The following EXOC6B variants were observed in gnomAD, a reference collection of about 807,000 sequenced individuals.
The protein encoded by EXOC6B is exocyst complex component 6B, also known as SEC15 homolog B.
EXOC6B carries 54 observed loss-of-function variants against 113.5 expected under a neutral mutation model. The observed-to-expected ratio is 0.48, with a 90% CI of 0.38 to 0.60. The LOEUF (loss-of-function observed/expected upper bound fraction) is 0.60, where lower values mean the gene tolerates loss of function less well. EXOC6B is among the 20% of genes least tolerant of loss of function. EXOC6B has a pLI of 0.00. For missense variants in EXOC6B, 797 were observed against 977.5 expected (o/e 0.82, Z 2.46); for synonymous variants, 357 against 339.0 (o/e 1.05, Z -0.58).
At chr2:72,673,237 C>G (rs1330900983) in intron 6 of EXOC6B, among the ~76,000 whole-genome samples, 1 of 152,142 alleles carries the variant, frequency 6.6e-6, no homozygotes, top group Admixed American at 6.6e-5. Flanking sequence ...TTAGAATCAG[C>G]TAATAAAGGA....
At chr2:72,636,493 G>A (rs1447154759) in intron 6 of EXOC6B, among the ~76,000 whole-genome samples, 1 of 141,994 alleles carries the variant, frequency 7.0e-6, no homozygotes, top group African/African-American at 3.0e-5. Flanking sequence ...AGGAGAAGGA[G>A]GAGGAGGAGG....
At chr2:72,398,654 G>A (rs1044056154) in intron 18 of EXOC6B, among the ~76,000 whole-genome samples, 11 of 148,118 alleles carry the variant, frequency 7.4e-5, no homozygotes, top group Non-Finnish European at 1.6e-4. Context: ...CCAAGATCGC[G>A]ACACTGCACT....
chr2:72,542,549 T>C (rs1348624246), intron 8 of EXOC6B, among the ~76,000 whole-genome samples: 2 of 152,220 alleles, frequency 1.3e-5, no homozygotes, highest in East Asian at 1.9e-4. Flanking sequence ...TCAATTCTAT[T>C]CATTGGTTAA....
chr2:72,232,931 G>T (rs542056398), intron 20 of EXOC6B, among the ~76,000 whole-genome samples: 1 of 152,044 alleles, frequency 6.6e-6, no homozygotes, highest in African/African-American at 2.4e-5. Context: ...AATTAGCTGG[G>T]TGTGGTTGCG....
At chr2:72,651,909 C>T (rs1674195300) in intron 6 of EXOC6B, among the ~76,000 whole-genome samples, 1 of 152,162 alleles carries the variant, frequency 6.6e-6, no homozygotes, top group Non-Finnish European at 1.5e-5. Context: ...AAGATTTAGA[C>T]ATCCATTCGA....
rs148409044 is a variant in EXOC6B at position 72,695,166 on chromosome 2, A to C, written c.669+22937T>G. ...CGGACATCTGTTAATCTCTCTGGCT[A>C]CATGGAAGAAGAATTCTCTTTAGTC... On this transcript the variant is annotated intron_variant, in intron 6 of 21. Coordinates refer to ENST00000272427, the MANE Select transcript of EXOC6B (RefSeq NM_015189.3). 1.9e-3 allele frequency among the ~76,000 whole-genome samples: 283 copies of C among 152,352 alleles called. 2 individuals are homozygous for C. The highest frequency in any genetic ancestry group is 5.7e-3 in the African/African-American group (239 of 41,590).
chr2:72,705,654 C>T (rs1678805328), intron 6 of EXOC6B, among the ~76,000 whole-genome samples: 1 of 151,986 alleles, frequency 6.6e-6, no homozygotes, highest in South Asian at 2.1e-4. Context: ...CCTCTCCTAT[C>T]CCCTCACACA....
chr2:72,395,778 A>C (rs1410396682), intron 18 of EXOC6B, among the ~76,000 whole-genome samples: 1 of 152,148 alleles, frequency 6.6e-6, no homozygotes, highest in African/African-American at 2.4e-5. Context: ...GATCTTCCTC[A>C]GTAGTGAAAT....
At chr2:72,247,068 G>A (rs572247661) in intron 20 of EXOC6B, among the ~76,000 whole-genome samples, 1 of 152,118 alleles carries the variant, frequency 6.6e-6, no homozygotes, top group South Asian at 2.1e-4. Flanking sequence ...TTCTAGAAGA[G>A]GGTAACAAAA....
intron 20 of EXOC6B, among the ~76,000 whole-genome samples, chr2:72,265,188 G>GAGGATCTC (rs1329734634): frequency 1.3e-5 from 2 of 151,918 alleles, no homozygotes; most frequent in Non-Finnish European, 2.9e-5. Flanking sequence ...GTCTCAGATG[G>GAGGATCTC]AGATGAGGAA....
rs551412313 is a variant in EXOC6B, at chr2:72,220,784, C to G, written c.2197-36597G>C. On this transcript the variant is annotated intron_variant, in intron 20 of 21. Transcript: ENST00000272427. ...CTGTACTAACCTCAAACATTGTACC[C>G]TGGGTAATGTTGTTCAGTTTTGTGA... Among the ~76,000 whole-genome samples, 371 of 152,212 alleles carry G rather than the reference C, an allele frequency of 2.4e-3. 1 individual carries two copies. The highest frequency in any genetic ancestry group is 8.3e-3 in the African/African-American group (346 of 41,516).
At chr2:72,540,392 G>A (rs570246154) in intron 8 of EXOC6B, among the ~76,000 whole-genome samples, 23 of 151,880 alleles carry the variant, frequency 1.5e-4, no homozygotes, top group African/African-American at 5.6e-4. Context: ...CCAGATTCAC[G>A]TTGTTAATAT....
At chr2:72,420,623 A>G (rs1399163691) in intron 18 of EXOC6B, among the ~76,000 whole-genome samples, 3 of 152,102 alleles carry the variant, frequency 2.0e-5, no homozygotes, top group African/African-American at 7.2e-5. Flanking sequence ...ACATTTTCTT[A>G]ATCAATCTAT....
chr2:72,613,376 CCA>C (rs1671191731), intron 6 of EXOC6B, among the ~76,000 whole-genome samples: 10 of 151,624 alleles, frequency 6.6e-5, no homozygotes, highest in Admixed American at 6.6e-4. Context: ...GGGGAAAACT[CCA>C]ATGCCCAGAT....
intron 18 of EXOC6B, among the ~76,000 whole-genome samples, chr2:72,450,383 T>C (rs1696838799): frequency 6.6e-6 from 1 of 152,176 alleles, no homozygotes; most frequent in South Asian, 2.1e-4. Context: ...TAAAGGGACC[T>C]GAAAGACAGA....
chr2:72,475,565 G>A lies in EXOC6B; in HGVS notation c.1800+5051C>T, dbSNP rs558028475. On this transcript the variant is annotated intron_variant, in intron 17 of 21. Coordinates refer to ENST00000272427, the MANE Select transcript of EXOC6B (RefSeq NM_015189.3). ...GCTTCTGGTGTGCTCTGGCACAGGG[G>A]TTGGGGGGTGGCAGGTCAAAGCTGA... 6.8e-4 allele frequency among the ~76,000 whole-genome samples: 103 copies of A among 152,204 alleles called. 1 individual carries two copies. Among genetic ancestry groups the A allele is most frequent in the African/African-American group, 2.3e-3 (97 of 41,522 alleles).
intron 20 of EXOC6B, among the ~76,000 whole-genome samples, chr2:72,217,320 A>G (rs767493595): frequency 5.5e-4 from 83 of 152,258 alleles, no homozygotes; most frequent in Non-Finnish European, 1.1e-3. Flanking sequence ...TTTACTTGAA[A>G]AAGGAGGGTC....
intron 20 of EXOC6B, among the ~76,000 whole-genome samples, chr2:72,248,991 T>TGGTA (rs1310236620): frequency 1.4e-4 from 21 of 152,170 alleles, no homozygotes; most frequent in Non-Finnish European, 2.9e-5. Flanking sequence ...AGGCTGGGTG[T>TGGTA]GGTAGCTCAA....
Position 72,602,150 on chromosome 2 carries a change from T to G in EXOC6B, c.670-26482A>C, listed in dbSNP as rs2166575. Among the ~76,000 whole-genome samples the G allele has an allele frequency of 5.9e-5, 9 of 152,274 alleles. No homozygotes were observed. In the East Asian group the frequency reaches 1.2e-3, roughly 20 times the overall value. On this transcript the variant is annotated intron_variant, in intron 6 of 21. Coordinates refer to ENST00000272427, the MANE Select transcript of EXOC6B (RefSeq NM_015189.3). The stretch of plus-strand genomic sequence containing the variant: ...GTAGGTTCAGGTAAATTTGGAGGAT[T>G]GAGCAACATGAGAAGTTTGAAATAG...
Sources: allele counts gnomAD v4.1 joint callset (sites outside exome capture counted in the v4.1 genomes callset), GRCh38; gene constraint gnomAD v4.1.1; transcripts MANE v1.5; gene names NCBI Gene and HGNC (gene_info 2026-07-23, HGNC 2026-07-21).